Variants in MGAT4C observed in about 807,000 individuals in gnomAD.
MGAT4C encodes alpha-1,3-mannosyl-glycoprotein 4-beta-N-acetylglucosaminyltransferase C.
MGAT4C carries 19 observed loss-of-function variants against 40.1 expected under a neutral mutation model. The observed-to-expected ratio is 0.47, with a 90% CI of 0.33 to 0.70. MGAT4C has a LOEUF of 0.70. MGAT4C is among the 30% of genes least tolerant of loss of function. The pLI, the probability that MGAT4C is intolerant of heterozygous loss-of-function variation, is 0.02. For missense variants in MGAT4C, 491 were observed against 563.2 expected, an observed-to-expected ratio of 0.87 and a Z score of 1.30; for synonymous variants, 181 against 187.1, an observed-to-expected ratio of 0.97 and a Z score of 0.27.
At chr12:86,024,870 G>C (rs954375553) in intron 2 of MGAT4C, among the ~76,000 whole-genome samples, 1 of 151,108 alleles carries the variant, frequency 6.6e-6, no homozygotes, top group East Asian at 1.9e-4. Context: ...CCCTTTATTC[G>C]AGTTATCACA....
At chr12:86,038,703 T>A (rs1891491108) in intron 2 of MGAT4C, among the ~76,000 whole-genome samples, 1 of 150,106 alleles carries the variant, frequency 6.7e-6, no homozygotes, top group Admixed American at 6.7e-5. Context: ...CAAGGCTTTA[T>A]CTTTTAATTG....
chr12:86,559,623 T>C (rs935671580), intron 2 of MGAT4C, among the ~76,000 whole-genome samples: 44 of 151,786 alleles, frequency 2.9e-4, no homozygotes, highest in Admixed American at 5.3e-4. Context: ...AAACACAGCA[T>C]ACCAAAAACC....
At chr12:86,505,499 A>G (rs1958456634) in intron 2 of MGAT4C, among the ~76,000 whole-genome samples, 1 of 152,216 alleles carries the variant, frequency 6.6e-6, no homozygotes, top group Non-Finnish European at 1.5e-5. Context: ...CACAAATGTC[A>G]TCTTTCAAAG....
chr12:86,755,126 C>T (rs563608565), intron 1 of MGAT4C, among the ~76,000 whole-genome samples: 2 of 152,210 alleles, frequency 1.3e-5, no homozygotes, highest in East Asian at 1.9e-4. Flanking sequence ...TTTAGTAGAG[C>T]AGATTACTTT....
intron 2 of MGAT4C, among the ~76,000 whole-genome samples, chr12:86,538,345 A>G (rs1441384786): frequency 6.6e-6 from 1 of 152,144 alleles, no homozygotes; most frequent in Non-Finnish European, 1.5e-5. Context: ...ATCCAAGGAA[A>G]GAATAGCTTC....
intron 2 of MGAT4C, among the ~76,000 whole-genome samples, chr12:86,437,092 T>C (rs981713119): frequency 6.6e-6 from 1 of 151,504 alleles, no homozygotes; most frequent in African/African-American, 2.4e-5. Context: ...AATTCAGTAA[T>C]AGACAAAAAA....
chr12:86,265,247 G>C (rs1317398830), intron 4 of MGAT4C, among the ~76,000 whole-genome samples: 1 of 152,180 alleles, frequency 6.6e-6, no homozygotes, highest in Non-Finnish European at 1.5e-5. Flanking sequence ...AGCGCAGCCT[G>C]CCAGGCCAAA....
Position 86,593,533 on chromosome 12 carries a change from C to A in MGAT4C, c.-229+133676G>T, listed in dbSNP as rs985128370. On this transcript the variant is annotated intron_variant, in intron 2 of 7. Transcript: ENST00000548651. The stretch of plus-strand genomic sequence containing the variant: ...GCTATAAATTTCCCTCTAAGCACTG[C>A]TGTAGCTTCATTCCATAAATTTTGG... Among the ~76,000 whole-genome samples the A allele has an allele frequency of 3.9e-5, 6 of 152,234 alleles. No homozygotes were observed. The East Asian group carries it at 1.2e-3, about 29-fold the overall frequency.
chr12:86,209,566 C>A (rs1475871373), intron 1 of MGAT4C, among the ~76,000 whole-genome samples: 5 of 152,094 alleles, frequency 3.3e-5, no homozygotes, highest in Admixed American at 6.6e-5. Context: ...GCTTTTGGGA[C>A]ACATGAAATT....
chr12:86,670,310 T>G (rs1287337255), intron 2 of MGAT4C, among the ~76,000 whole-genome samples: 1 of 151,768 alleles, frequency 6.6e-6, no homozygotes, highest in African/African-American at 2.4e-5. Context: ...ACAAAGAAAG[T>G]TTTAAAACAA....
intron 4 of MGAT4C, among the ~76,000 whole-genome samples, chr12:86,328,996 G>T (rs1954589948): frequency 1.3e-5 from 2 of 151,670 alleles, no homozygotes; most frequent in Admixed American, 6.6e-5. Flanking sequence ...CCAGCTACTT[G>T]GGAAGCTAAG....
chr12:86,250,329 C>CAG (rs1952216876), intron 1 of MGAT4C, among the ~76,000 whole-genome samples: 1 of 75,168 alleles, frequency 1.3e-5, no homozygotes, highest in Non-Finnish European at 2.5e-5. Flanking sequence ...CACACACACA[C>CAG]TGAGAGAGAG....
chr12:86,663,057 G>C (rs1167446435), intron 2 of MGAT4C, among the ~76,000 whole-genome samples: 3 of 152,058 alleles, frequency 2.0e-5, no homozygotes, highest in African/African-American at 7.2e-5. Flanking sequence ...TAATTGATTA[G>C]ATGACCATTC....
intron 1 of MGAT4C, among the ~76,000 whole-genome samples, chr12:86,119,903 T>A (rs1879094431): frequency 6.6e-6 from 1 of 151,794 alleles, no homozygotes; most frequent in Admixed American, 6.6e-5. Flanking sequence ...AAAACTGGGT[T>A]CCAGGAGTGT....
intron 1 of MGAT4C, among the ~76,000 whole-genome samples, chr12:86,834,802 G>A (rs184916463): frequency 6.6e-6 from 1 of 152,002 alleles, no homozygotes; most frequent in Admixed American, 6.6e-5. Context: ...CGGGTTGTAG[G>A]TTTAAGACTG....
chr12:86,636,245 A>G (rs553975981), intron 2 of MGAT4C, among the ~76,000 whole-genome samples: 3 of 152,066 alleles, frequency 2.0e-5, no homozygotes, highest in Admixed American at 1.3e-4. Context: ...ACGTGACTGT[A>G]CTGAAATACA....
At chr12:86,102,046 G>T (rs573018638) in intron 1 of MGAT4C, among the ~76,000 whole-genome samples, 1 of 151,902 alleles carries the variant, frequency 6.6e-6, no homozygotes, top group East Asian at 1.9e-4. Context: ...TGACAGAGAA[G>T]AGAAATAAAA....
At position 85,978,577 on chromosome 12, in the gene MGAT4C, C is replaced by A. The variant is rs1246756712; in HGVS notation, c.*712G>T. ...TAACCTGAAAATATTGAGCTTAACT[C>A]TTCTTTTTTTTTTTCAAAAGGGAAA... On this transcript the variant is annotated 3_prime_UTR_variant, in exon 5 of 5. Transcript: ENST00000611864. 1 of 150,994 alleles carries A rather than the reference C, an allele frequency of 6.6e-6. No individual in the cohort carries two copies. The highest frequency in any genetic ancestry group is 1.5e-5 in the Non-Finnish European group (1 of 67,370). The allele number at this position is 150,994 out of a possible 1,614,324, so 9.4% of individuals were successfully genotyped here.
At chr12:86,498,633 AAATT>A (rs1958283341) in intron 2 of MGAT4C, among the ~76,000 whole-genome samples, 1 of 151,928 alleles carries the variant, frequency 6.6e-6, no homozygotes, top group Non-Finnish European at 1.5e-5. Flanking sequence ...TAACTGCATA[AAATT>A]AATTGTAGCA....
Sources: allele counts gnomAD v4.1 joint callset (sites outside exome capture counted in the v4.1 genomes callset), GRCh38; gene constraint gnomAD v4.1.1; transcripts MANE v1.5; gene names NCBI Gene and HGNC (gene_info 2026-07-23, HGNC 2026-07-21).